UNC5C: variants seen among roughly 807,000 people sequenced by gnomAD.
UNC5C encodes the protein netrin receptor UNC5C.
UNC5C carries 47 observed loss-of-function variants against 99.8 expected under a neutral mutation model. That is an observed-to-expected ratio of 0.47 (90% CI 0.37 to 0.60). The LOEUF (loss-of-function observed/expected upper bound fraction) is 0.60, where lower values mean the gene tolerates loss of function less well. Among genes scored for constraint, UNC5C ranks in the 20% least tolerant of loss-of-function variants. UNC5C has a pLI of 0.00. For missense variants in UNC5C, 1,062 were observed against 1,165.9 expected, an observed-to-expected ratio of 0.91 and a Z score of 1.30; for synonymous variants, 487 against 452.2, an observed-to-expected ratio of 1.08 and a Z score of -0.98.
At chr4:95,533,214 G>C (rs1298800062) in intron 1 of UNC5C, among the ~76,000 whole-genome samples, 1 of 151,982 alleles carries the variant, frequency 6.6e-6, no homozygotes, top group Non-Finnish European at 1.5e-5. Flanking sequence ...TGACCAACAT[G>C]GTAAAACCCC....
intron 1 of UNC5C, among the ~76,000 whole-genome samples, chr4:95,484,446 C>T (rs1721268097): frequency 6.6e-6 from 1 of 151,516 alleles, no homozygotes; most frequent in Admixed American, 6.6e-5. Flanking sequence ...GCTTCCCAAC[C>T]ACTGTGTAGA....
intron 2 of UNC5C, among the ~76,000 whole-genome samples, chr4:95,318,171 A>T (rs1742549413): frequency 6.6e-6 from 1 of 152,098 alleles, no homozygotes; most frequent in South Asian, 2.1e-4. Flanking sequence ...AATATCCTGG[A>T]TTATCCAGGT....
intron 1 of UNC5C, among the ~76,000 whole-genome samples, chr4:95,365,975 A>G (rs1744552648): frequency 6.6e-6 from 1 of 152,090 alleles, no homozygotes; most frequent in Non-Finnish European, 1.5e-5. Context: ...ATAAGCTGTA[A>G]TATGCTATGT....
chr4:95,398,877 G>A (rs1410554200), intron 1 of UNC5C, among the ~76,000 whole-genome samples: 1 of 151,890 alleles, frequency 6.6e-6, no homozygotes, highest in African/African-American at 2.4e-5. Flanking sequence ...GAGAGCTTTT[G>A]GATATAAATG....
At chr4:95,534,869 C>T (rs1045738243) in intron 1 of UNC5C, among the ~76,000 whole-genome samples, 1 of 151,932 alleles carries the variant, frequency 6.6e-6, no homozygotes, top group African/African-American at 2.4e-5. Context: ...TTAATTTTTG[C>T]TTTTATACTA....
intron 1 of UNC5C, among the ~76,000 whole-genome samples, chr4:95,367,596 C>T (rs956235142): frequency 6.6e-6 from 1 of 151,890 alleles, no homozygotes; most frequent in Non-Finnish European, 1.5e-5. Context: ...ATGTGATCAC[C>T]TCTTCTCTAA....
At chr4:95,466,217 C>T (rs1747772112) in intron 1 of UNC5C, among the ~76,000 whole-genome samples, 1 of 152,100 alleles carries the variant, frequency 6.6e-6, no homozygotes, top group Non-Finnish European at 1.5e-5. Context: ...ATTTAATAAA[C>T]ATTCATAGAG....
intron 12 of UNC5C, among the ~76,000 whole-genome samples, chr4:95,191,065 C>T (rs1031864550): frequency 4.6e-5 from 7 of 152,174 alleles, no homozygotes; most frequent in Non-Finnish European, 8.8e-5. Flanking sequence ...CTGGCCTCTA[C>T]CCAGAATGCT....
intron 15 of UNC5C, 46 bp downstream of exon 15, chr4:95,170,108 G>C: frequency 6.3e-7 from 1 of 1,595,712 alleles, no homozygotes; most frequent in Non-Finnish European, 8.6e-7. Flanking sequence ...CGGTCCTGGA[G>C]GGCACTAACA....
At chr4:95,225,078 G>A (rs1738631684) in intron 7 of UNC5C, among the ~76,000 whole-genome samples, 1 of 152,158 alleles carries the variant, frequency 6.6e-6, no homozygotes, top group African/African-American at 2.4e-5. Context: ...GGGCCAGGAT[G>A]AGGAGTCTTG....
rs1007775879 is a variant in UNC5C at position 95,164,803 on chromosome 4, G to C, written c.*4431C>G. On this transcript the variant is annotated 3_prime_UTR_variant, in exon 16 of 16. Coordinates refer to ENST00000453304, the MANE Select transcript of UNC5C (RefSeq NM_003728.4). ...GTTCTCCACATGAAACTGATGACTT[G>C]TCCAGAACAACTGCCCAGCAAAAGC... is the stretch of plus-strand genomic sequence containing the variant. 7.2e-5 allele frequency: 11 copies of C among 152,338 alleles called. No individual in the cohort carries two copies. Among genetic ancestry groups the C allele is most frequent in the Admixed American group, 4.6e-4 (7 of 15,302 alleles). 9.4% of individuals were successfully genotyped at this position (152,338 alleles called of 1,614,324 possible). A position where few individuals can be genotyped will look rare whatever the true frequency, so the allele number is the denominator to read the frequency against.
Position 95,234,573 on chromosome 4 carries a change from A to T in UNC5C, c.1108+7856T>A, listed in dbSNP as rs534543299. On this transcript the variant is annotated intron_variant, in intron 7 of 15. Coordinates refer to ENST00000453304, the MANE Select transcript of UNC5C (RefSeq NM_003728.4). Reference sequence around the variant, plus strand: ...CTTTTTAAAATGTAGTTTTGAAAACAATTAAGTATGTGCTTATGAACCCAA... The same window carrying T: ...CTTTTTAAAATGTAGTTTTGAAAACTATTAAGTATGTGCTTATGAACCCAA... Among the ~76,000 whole-genome samples the T allele has an allele frequency of 1.5e-3, 223 of 152,282 alleles. 1 individual carries two copies. The highest frequency in any genetic ancestry group is 2.6e-3 in the Admixed American group (40 of 15,304).
At chr4:95,392,891 T>C (rs1745402735) in intron 1 of UNC5C, among the ~76,000 whole-genome samples, 2 of 152,310 alleles carry the variant, frequency 1.3e-5, no homozygotes, top group South Asian at 4.1e-4. Context: ...TCAGAGGGAC[T>C]AAAACCATAT....
At chr4:95,509,627 T>C (rs971780213) in intron 1 of UNC5C, among the ~76,000 whole-genome samples, 5 of 151,870 alleles carry the variant, frequency 3.3e-5, no homozygotes, top group African/African-American at 1.2e-4. Flanking sequence ...TGCAACTACC[T>C]AGACTGAACA....
At chr4:95,341,966 T>G (rs531104633) in intron 1 of UNC5C, among the ~76,000 whole-genome samples, 1 of 152,238 alleles carries the variant, frequency 6.6e-6, no homozygotes, top group Non-Finnish European at 1.5e-5. Context: ...GCATTTATAC[T>G]GCCCTAGCCA....
At chr4:95,440,977 A>G (rs1334060172) in intron 1 of UNC5C, among the ~76,000 whole-genome samples, 1 of 152,212 alleles carries the variant, frequency 6.6e-6, no homozygotes, top group Non-Finnish European at 1.5e-5. Flanking sequence ...ATCTGAAAGG[A>G]CTTCACAAAT....
chr4:95,441,801 A>G (rs1253755655), intron 1 of UNC5C, among the ~76,000 whole-genome samples: 1 of 152,218 alleles, frequency 6.6e-6, no homozygotes, highest in Non-Finnish European at 1.5e-5. Context: ...AAGGCAATAT[A>G]TCTAGTGAAT....
At chr4:95,286,406 T>C (rs981328772) in intron 3 of UNC5C, among the ~76,000 whole-genome samples, 2 of 152,312 alleles carry the variant, frequency 1.3e-5, no homozygotes, top group Non-Finnish European at 2.9e-5. Context: ...GGTTGATGAA[T>C]TGATTCGTTG....
At chr4:95,495,135 C>T (rs7695924) in intron 1 of UNC5C, among the ~76,000 whole-genome samples, 7,399 of 151,558 alleles carry the variant, frequency 0.049, 381 homozygotes, top group African/African-American at 0.14. Context: ...TAATTTTTCT[C>T]ATTTCAAAGG....
Sources: gnomAD v4.1 joint callset for allele counts (sites outside exome capture counted in the v4.1 genomes callset) on GRCh38, gnomAD v4.1.1 for gene constraint, MANE v1.5 for transcripts, NCBI Gene and HGNC (gene_info 2026-07-23, HGNC 2026-07-21) for gene names.